UHRF2: variants seen among roughly 807,000 people sequenced by gnomAD.
The protein encoded by UHRF2 is E3 ubiquitin-protein ligase UHRF2.
In UHRF2, 23 loss-of-function variants were observed where a neutral mutation model predicts 96.8. The observed-to-expected ratio is 0.24, with a 90% CI of 0.17 to 0.34. The LOEUF (loss-of-function observed/expected upper bound fraction) is 0.34. Among genes scored for constraint, UHRF2 ranks in the 10% least tolerant of loss-of-function variants. The pLI is 1.00. For missense variants in UHRF2, 685 were observed against 981.5 expected, an observed-to-expected ratio of 0.70 and a Z score of 4.04; for synonymous variants, 385 against 332.6, an observed-to-expected ratio of 1.16 and a Z score of -1.72.
At chr9:6,414,720 G>A (rs1819492563) in intron 1 of UHRF2, among the ~76,000 whole-genome samples, 1 of 152,150 alleles carries the variant, frequency 6.6e-6, no homozygotes, top group Admixed American at 6.5e-5. Flanking sequence ...CTACTTAAAA[G>A]GAATATTTTC....
intron 4 of UHRF2, among the ~76,000 whole-genome samples, chr9:6,472,508 A>G (rs761353386): frequency 6.6e-6 from 1 of 152,238 alleles, no homozygotes; most frequent in African/African-American, 2.4e-5. Flanking sequence ...CTGGGGGAAT[A>G]TTGTTCTCAT....
intron 1 of UHRF2, among the ~76,000 whole-genome samples, chr9:6,417,042 A>T (rs1477957190): frequency 6.6e-6 from 1 of 152,144 alleles, no homozygotes; most frequent in Non-Finnish European, 1.5e-5. Flanking sequence ...ATTATATATG[A>T]TGTATATAAC....
At chr9:6,420,024 C>T (rs761134058) in intron 1 of UHRF2, among the ~76,000 whole-genome samples, 9 of 151,342 alleles carry the variant, frequency 5.9e-5, no homozygotes, top group Non-Finnish European at 8.8e-5. Flanking sequence ...GTTGGGATTA[C>T]AGATGTGAGG....
At chr9:6,441,875 A>C (rs1821184939) in intron 3 of UHRF2, among the ~76,000 whole-genome samples, 1 of 152,142 alleles carries the variant, frequency 6.6e-6, no homozygotes. Context: ...GTCTTTACCC[A>C]TATTAATTTT....
At chr9:6,472,073 C>G (rs1280796427) in intron 4 of UHRF2, among the ~76,000 whole-genome samples, 1 of 152,192 alleles carries the variant, frequency 6.6e-6, no homozygotes, top group Non-Finnish European at 1.5e-5. Context: ...ACGCATGTCA[C>G]CACTAATCAA....
intron 2 of UHRF2, among the ~76,000 whole-genome samples, chr9:6,423,643 T>TTG (rs980016264): frequency 6.6e-6 from 1 of 151,952 alleles, no homozygotes; most frequent in African/African-American, 2.4e-5. Flanking sequence ...GATTTTTTTT[T>TTG]TTTTTTTAAA....
intron 14 of UHRF2, among the ~76,000 whole-genome samples, chr9:6,501,720 T>A (rs767081781): frequency 1.3e-5 from 2 of 152,234 alleles, no homozygotes; most frequent in Admixed American, 1.3e-4. Context: ...TTACTTGTAT[T>A]TTAGCCAAGA....
intron 3 of UHRF2, among the ~76,000 whole-genome samples, chr9:6,458,649 T>G (rs1025368595): frequency 1.3e-5 from 2 of 152,170 alleles, no homozygotes; most frequent in African/African-American, 4.8e-5. Context: ...TCAACCATTG[T>G]GGAAGACAAT....
chr9:6,467,301 C>T (rs931074335), intron 4 of UHRF2, among the ~76,000 whole-genome samples: 1 of 152,112 alleles, frequency 6.6e-6, no homozygotes. Flanking sequence ...GGCTACATCC[C>T]CTTCATATTC....
At chr9:6,480,763 A>G (rs946430722) in intron 6 of UHRF2, among the ~76,000 whole-genome samples, 1 of 152,162 alleles carries the variant, frequency 6.6e-6, no homozygotes, top group African/African-American at 2.4e-5. Flanking sequence ...ACTTTACTTC[A>G]TAGTATTTAG....
At position 6,499,892 on chromosome 9, in the gene UHRF2, A is replaced by C. The variant is rs1172370226; in HGVS notation, c.1966A>C (p.Lys656Gln). 6.2e-6 allele frequency: 10 copies of C among 1,612,096 alleles called. No individual in the cohort carries two copies. Among genetic ancestry groups the C allele is most frequent in the Non-Finnish European group, 6.8e-6 (8 of 1,178,818 alleles). ...GAAGAAGCCTAAAGGACAGTCAAAG[A>C]AGCAGCCCAGTGGAACCACAAAAAG... ...EGKKPKGQSK[K>Q]QPSGTTKRPI... Residue 656 changes from lysine (K) to glutamine (Q), a missense_variant, in exon 13 of 16, where the codon AAG becomes CAG. By Grantham distance (53) the Lys-to-Gln change is moderately conservative. This residue lies in a region of UHRF2 where 99 missense variants were observed against 73.5 expected (regional missense o/e 1.35). Coordinates refer to ENST00000276893, the MANE Select transcript of UHRF2 (RefSeq NM_152896.3).
chr9:6,452,258 T>G (rs1587815141), intron 3 of UHRF2, among the ~76,000 whole-genome samples: 1 of 152,296 alleles, frequency 6.6e-6, no homozygotes, highest in Non-Finnish European at 1.5e-5. Context: ...TAAATAGCCT[T>G]GTGTATCTTT....
At chr9:6,455,545 A>T (rs1822127639) in intron 3 of UHRF2, among the ~76,000 whole-genome samples, 1 of 152,064 alleles carries the variant, frequency 6.6e-6, no homozygotes, top group Non-Finnish European at 1.5e-5. Context: ...TCATTGATGG[A>T]CATTTGGGTT....
intron 9 of UHRF2, among the ~76,000 whole-genome samples, chr9:6,489,728 G>GT (rs34069701): frequency 0.012 from 1,344 of 114,710 alleles, 8 homozygotes; most frequent in South Asian, 0.042. Flanking sequence ...TTGGGTTTTT[G>GT]TTTTTTTTTT....
chr9:6,491,368 A>G (rs1587872222), intron 9 of UHRF2, among the ~76,000 whole-genome samples: 1 of 152,248 alleles, frequency 6.6e-6, no homozygotes. Flanking sequence ...TGAATTAATT[A>G]TACGTAAAAT....
chr9:6,488,540 CT>C (rs58280407), intron 9 of UHRF2, among the ~76,000 whole-genome samples: 15,305 of 84,488 alleles, frequency 0.18, 657 homozygotes, highest in Middle Eastern at 0.34. Context: ...TTTTTCTTTT[CT>C]TTTTTTTTTT....
rs138889673 is a variant in UHRF2 at position 6,432,771 on chromosome 9, C to T, written c.385-1143C>T. On this transcript the variant is annotated intron_variant, in intron 2 of 15. Transcript: ENST00000276893. Reference sequence around the variant, plus strand: ...GATCTTGTGTTGATTTCATTTTTTCCTTTTTAAGGGCTTAAAAAGAAAGTT... The same window carrying T: ...GATCTTGTGTTGATTTCATTTTTTCTTTTTTAAGGGCTTAAAAAGAAAGTT... 4.6e-5 allele frequency among the ~76,000 whole-genome samples: 7 copies of T among 151,864 alleles called. No individual in the cohort carries two copies. In the East Asian group the frequency reaches 1.4e-3, roughly 29 times the overall value.
Position 6,506,993 on chromosome 9 carries a change from AAAT to A in UHRF2, c.*815_*817del, listed in dbSNP as rs1294574373. The A allele has an allele frequency of 1.3e-5, 2 of 152,522 alleles. No individual in the cohort carries two copies. Among genetic ancestry groups the A allele is most frequent in the African/African-American group, 4.8e-5 (2 of 41,428 alleles). 9.4% of individuals were successfully genotyped at this position (152,522 alleles called of 1,614,324 possible). A position where few individuals can be genotyped will look rare whatever the true frequency, so the allele number is the denominator to read the frequency against. The stretch of plus-strand genomic sequence containing the variant: ...TGAAATTGCTTCATATTGTGATCCT[AAAT>A]TTTATATTCACTATATTCCCTAAAG... On this transcript the variant is annotated 3_prime_UTR_variant, in exon 16 of 16. Transcript: ENST00000276893.
At chr9:6,490,790 T>A (rs1824612094) in intron 9 of UHRF2, among the ~76,000 whole-genome samples, 1 of 152,136 alleles carries the variant, frequency 6.6e-6, no homozygotes, top group Non-Finnish European at 1.5e-5. Context: ...TGAAGAAAAA[T>A]TTTAGGACTA....
Sources: gnomAD v4.1 joint callset for allele counts (sites outside exome capture counted in the v4.1 genomes callset) on GRCh38, gnomAD v4.1.1 for gene constraint, gnomAD v4.1.1 regional missense constraint, MANE v1.5 for transcripts, NCBI Gene and HGNC (gene_info 2026-07-23, HGNC 2026-07-21) for gene names.